Variants in FANCC observed in about 807,000 individuals in gnomAD.
The protein encoded by FANCC is FA complementation group C.
In FANCC, 55 loss-of-function variants were observed where a neutral mutation model predicts 71.3. That is an observed-to-expected ratio of 0.77 (90% CI 0.62 to 0.97). The LOEUF is 0.97. FANCC is among the 50% of genes least tolerant of loss of function. The pLI is 0.00. For synonymous variants in FANCC, 275 were observed against 244.9 expected, an observed-to-expected ratio of 1.12 and a Z score of -1.15; for missense variants, 678 against 670.9, an observed-to-expected ratio of 1.01 and a Z score of -0.12.
intron 3 of FANCC, among the ~76,000 whole-genome samples, chr9:95,245,624 C>T (rs908877332): frequency 6.6e-6 from 1 of 151,768 alleles, no homozygotes; most frequent in South Asian, 2.1e-4. Context: ...AGGCCAGGCA[C>T]GGTGGCTCAC....
At chr9:95,210,178 A>C (rs970327227) in intron 4 of FANCC, among the ~76,000 whole-genome samples, 5 of 152,186 alleles carry the variant, frequency 3.3e-5, no homozygotes, top group African/African-American at 1.2e-4. Context: ...AATACATAGC[A>C]AAACTATTTT....
chr9:95,242,428 A>G (rs1830684146), intron 3 of FANCC, among the ~76,000 whole-genome samples: 1 of 151,444 alleles, frequency 6.6e-6, no homozygotes, highest in African/African-American at 2.4e-5. Context: ...CAGGGTGTTA[A>G]AAAGAATGTA....
chr9:95,123,455 C>T, intron 10 of FANCC: 1 of 460,834 alleles, frequency 2.2e-6, no homozygotes, highest in Non-Finnish European at 4.3e-6. Flanking sequence ...GCCCGGGCAA[C>T]ATGGTGAAAC....
At chr9:95,277,269 A>T (rs1833097721) in intron 1 of FANCC, among the ~76,000 whole-genome samples, 1 of 152,250 alleles carries the variant, frequency 6.6e-6, no homozygotes, top group African/African-American at 2.4e-5. Flanking sequence ...ATGTAAAATT[A>T]AATGAGCGCT....
intron 6 of FANCC, among the ~76,000 whole-genome samples, chr9:95,163,532 C>G (rs78749797): frequency 6.6e-6 from 1 of 152,278 alleles, no homozygotes; most frequent in African/African-American, 2.4e-5. Flanking sequence ...CTGAAGATTG[C>G]TTTGGGTAGT....
chr9:95,302,319 C>G (rs1218439815), intron 1 of FANCC, among the ~76,000 whole-genome samples: 4 of 152,068 alleles, frequency 2.6e-5, no homozygotes, highest in Admixed American at 1.3e-4. Context: ...AGGTCTGAAC[C>G]CGGCGTCACT....
intron 4 of FANCC, among the ~76,000 whole-genome samples, chr9:95,181,928 G>T (rs1588238311): frequency 6.6e-6 from 1 of 152,178 alleles, no homozygotes; most frequent in Non-Finnish European, 1.5e-5. Flanking sequence ...GCTGTTAGTT[G>T]TCCTTGCCTC....
chr9:95,174,672 C>T (rs1825901847), intron 4 of FANCC, among the ~76,000 whole-genome samples: 1 of 151,934 alleles, frequency 6.6e-6, no homozygotes, highest in Non-Finnish European at 1.5e-5. Flanking sequence ...TAAAAAAGTC[C>T]TATACTGCAT....
rs71498957 is a variant in FANCC, at chr9:95,279,947, C to CAAAAAA, written c.-78-30584_-78-30579dup. Among the ~76,000 whole-genome samples, 6 of 64,768 alleles carry CAAAAAA rather than the reference C, an allele frequency of 9.3e-5. No individual in the cohort carries two copies. In the East Asian group the frequency reaches 1.8e-3, roughly 19 times the overall value. The allele number at this position is 64,768 out of a possible 152,430, so 42.5% of individuals were successfully genotyped here. On this transcript the variant is annotated intron_variant, in intron 1 of 14. Transcript: ENST00000289081. ...TGAGTGGCAGATCAAGACTCTGTCT[C>CAAAAAA]AAAAAAAAAAAAAAAAAAAAAAAAA...
intron 5 of FANCC, 88 bp downstream of exon 5, chr9:95,171,948 TG>T: frequency 1.2e-6 from 1 of 831,670 alleles, no homozygotes; most frequent in Non-Finnish European, 2.1e-6. Context: ...ACATCTCTTC[TG>T]GAGGACTGAA....
chr9:95,296,862 T>C (rs953867051), intron 1 of FANCC, among the ~76,000 whole-genome samples: 4 of 152,218 alleles, frequency 2.6e-5, no homozygotes, highest in Non-Finnish European at 5.9e-5. Context: ...TGTAATGAAG[T>C]TCAAAGGCAA....
intron 1 of FANCC, among the ~76,000 whole-genome samples, chr9:95,264,508 C>T (rs1832266314): frequency 6.6e-6 from 1 of 152,140 alleles, no homozygotes; most frequent in Admixed American, 6.5e-5. Context: ...GAATGCTTTC[C>T]TTTGGTCTAA....
At chr9:95,142,423 CCTGT>C (rs1464049372) in intron 7 of FANCC, 4 of 152,496 alleles carry the variant, frequency 2.6e-5, no homozygotes, top group African/African-American at 4.8e-5. Context: ...TGCCACTGTG[CCTGT>C]CTTTTTATTT....
At chr9:95,123,127 C>CT (rs763072950) in intron 10 of FANCC, among the ~76,000 whole-genome samples, 2 of 152,102 alleles carry the variant, frequency 1.3e-5, no homozygotes, top group African/African-American at 4.8e-5. Context: ...CAGAGAGACT[C>CT]TATCTCTACA....
chr9:95,149,943 A>C lies in FANCC; in HGVS notation c.666T>G (p.Ala222=). ...CTTACAGCAAAATGGCCTCGTTTAC[A>C]GCCTCAAAGAACTCTGGCTGGAGGA... is the stretch of plus-strand genomic sequence containing the variant. ...QEILQPEFFE[A]VNEAILLKKI... Residue 222 remains alanine, a synonymous_variant, in exon 7 of 15, where the codon GCT becomes GCG. Coordinates refer to ENST00000289081, the MANE Select transcript of FANCC (RefSeq NM_000136.3). The C allele has an allele frequency of 1.2e-6, 2 of 1,608,390 alleles. No homozygotes were observed. The highest frequency in any genetic ancestry group is 1.7e-6 in the Non-Finnish European group (2 of 1,177,426).
chr9:95,215,022 A>G (rs1011170632), intron 4 of FANCC, among the ~76,000 whole-genome samples: 1 of 152,220 alleles, frequency 6.6e-6, no homozygotes, highest in African/African-American at 2.4e-5. Flanking sequence ...AATATATGAT[A>G]AAAAGTTTAA....
intron 3 of FANCC, among the ~76,000 whole-genome samples, chr9:95,247,068 T>C (rs1418606736): frequency 6.6e-6 from 1 of 150,756 alleles, no homozygotes; most frequent in Non-Finnish European, 1.5e-5. Context: ...CTCGGTATCA[T>C]TAGTATAGCC....
chr9:95,181,883 A>G (rs553794571), intron 4 of FANCC, among the ~76,000 whole-genome samples: 1 of 152,334 alleles, frequency 6.6e-6, no homozygotes, highest in East Asian at 1.9e-4. Flanking sequence ...GTTTTAAATA[A>G]AGCAGAGGGA....
At chr9:95,119,918 C>T (rs2072736324) in intron 10 of FANCC, among the ~76,000 whole-genome samples, 1 of 152,174 alleles carries the variant, frequency 6.6e-6, no homozygotes, top group South Asian at 2.1e-4. Context: ...TACTTTGTTG[C>T]CCAGGCTGGT....
Sources: gnomAD v4.1 joint callset for allele counts (sites outside exome capture counted in the v4.1 genomes callset) on GRCh38, gnomAD v4.1.1 for gene constraint, MANE v1.5 for transcripts, NCBI Gene and HGNC (gene_info 2026-07-23, HGNC 2026-07-21) for gene names.